ARHGEF2: variants seen among roughly 807,000 people sequenced by gnomAD.
ARHGEF2 encodes Rho/Rac guanine nucleotide exchange factor 2, also known as rho guanine nucleotide exchange factor 2.
A neutral mutation model predicts 121.0 loss-of-function variants in ARHGEF2; 22 were observed. That is an observed-to-expected ratio of 0.18 (90% confidence interval 0.13 to 0.26). The LOEUF is 0.26. Ranked by LOEUF, ARHGEF2 falls within the 10% of genes least tolerant of loss-of-function variation. ARHGEF2 has a pLI of 1.00. For synonymous variants in ARHGEF2, 487 were observed against 530.0 expected (o/e 0.92, Z 1.11); for missense variants, 907 against 1,336.0 (o/e 0.68, Z 5.01).
In ARHGEF2 at chr1:155,965,297, G is replaced by A; in HGVS notation, c.580+6C>T. 1 of 1,613,660 alleles carries A rather than the reference G, an allele frequency of 6.2e-7. No homozygotes were observed. The highest frequency in any genetic ancestry group is 1.3e-5 in the African/African-American group (1 of 75,030). ...TCAGGGCTCCCCTGGGCCCAGGCCT[G>A]CTCACCTTCGTCAATGAGGGATTCC... On this transcript the variant is annotated splice_donor_region_variant and intron_variant, in intron 6 of 21. Coordinates refer to ENST00000361247, the MANE Select transcript of ARHGEF2 (RefSeq NM_001162383.2). The surrounding 1 kb of genome is among the most constrained non-coding windows in gnomAD (Gnocchi z 6.0).
chr1:155,978,450 G>A lies in ARHGEF2; in HGVS notation c.-23C>T. The A allele has an allele frequency of 2.0e-6, 3 of 1,465,268 alleles. No individual in the cohort carries two copies. The highest frequency in any genetic ancestry group is 1.4e-5 in the African/African-American group (1 of 69,942). 90.8% of individuals were successfully genotyped at this position (1,465,268 alleles called of 1,614,324 possible). A position where few individuals can be genotyped will look rare whatever the true frequency, so the allele number is the denominator to read the frequency against. ...CATAATCGGACGGGGGGACCAGGGAGGACGCGGCGCGGACCCCGGCGTCCT... is the reference window on the plus strand; with the variant it reads ...CATAATCGGACGGGGGGACCAGGGAAGACGCGGCGCGGACCCCGGCGTCCT... On this transcript the variant is annotated 5_prime_UTR_variant, in exon 1 of 22. Coordinates refer to ENST00000361247, the MANE Select transcript of ARHGEF2 (RefSeq NM_001162383.2). This position sits in a 1 kb window ranked among gnomAD's most constrained non-coding sequence, Gnocchi z 4.1.
chr1:155,958,220 A>T (rs1446824780), intron 12 of ARHGEF2, 100 bp downstream of exon 12: 1 of 889,298 alleles, frequency 1.1e-6, no homozygotes, highest in Non-Finnish European at 1.8e-6. Context: ...TAGCTGTTTG[A>T]CTCTGGGGGA....
intron 11 of ARHGEF2, among the ~76,000 whole-genome samples, chr1:155,960,574 G>A (rs1303909524): frequency 6.6e-6 from 1 of 152,108 alleles, no homozygotes; most frequent in African/African-American, 2.4e-5. Flanking sequence ...AAATGCTTCA[G>A]AAATAACACT....
chr1:155,962,390 G>A lies in ARHGEF2; in HGVS notation c.1102-168C>T. The A allele has an allele frequency of 6.9e-6, 7 of 1,011,704 alleles. No individual in the cohort carries two copies. The highest frequency in any genetic ancestry group is 1.0e-5 in the Non-Finnish European group (7 of 690,222). The allele number at this position is 1,011,704 out of a possible 1,614,324, so 62.7% of individuals were successfully genotyped here. On this transcript the variant is annotated intron_variant, in intron 9 of 21. Coordinates refer to ENST00000361247, the MANE Select transcript of ARHGEF2 (RefSeq NM_001162383.2). The surrounding 1 kb of genome is among the most constrained non-coding windows in gnomAD (Gnocchi z 5.8). ...CACAGGTTTGTTGTGAGGACCAACT[G>A]AAGGAGCAAAAAGTACTTGGGAAAC...
chr1:155,959,446 C>A (rs1677431457), intron 11 of ARHGEF2, among the ~76,000 whole-genome samples: 1 of 152,090 alleles, frequency 6.6e-6, no homozygotes. Context: ...CGGGGTTTCA[C>A]CACGTTGGCC....
intron 21 of ARHGEF2, among the ~76,000 whole-genome samples, chr1:155,949,945 A>G (rs558961713): frequency 6.6e-6 from 1 of 152,106 alleles, no homozygotes; most frequent in African/African-American, 2.4e-5. Context: ...TTTTTTGTAG[A>G]GAAGGTGGGT....
chr1:155,948,655 A>G (rs373823157), intron 21 of ARHGEF2, among the ~76,000 whole-genome samples: 2 of 152,174 alleles, frequency 1.3e-5, no homozygotes, highest in African/African-American at 4.8e-5. Context: ...AACAAAACAA[A>G]AAACTATACC....
At chr1:155,960,101 T>C (rs1677578320) in intron 11 of ARHGEF2, among the ~76,000 whole-genome samples, 1 of 152,030 alleles carries the variant, frequency 6.6e-6, no homozygotes, top group Non-Finnish European at 1.5e-5. Context: ...TCTCAGATCC[T>C]ATGGGGTCAG....
At chr1:155,971,579 C>CAAAA (rs55942349) in intron 1 of ARHGEF2, among the ~76,000 whole-genome samples, 52 of 92,576 alleles carry the variant, frequency 5.6e-4, no homozygotes, top group African/African-American at 1.6e-3. Context: ...GACTATGTCT[C>CAAAA]AAAAAAAAAA....
rs1572218667 is a variant in ARHGEF2, at chr1:155,978,179, G to C, written c.63+186C>G. On this transcript the variant is annotated intron_variant, in intron 1 of 21. Transcript: ENST00000361247. The surrounding 1 kb of genome is among the most constrained non-coding windows in gnomAD (Gnocchi z 4.1). ...GGATCCCAGCACCGTCGCGTCTGCC[G>C]CTCCCCCCACCCCTACCCACTCGCT... 7.7e-7 allele frequency: 1 copy of C among 1,294,636 alleles called. No homozygotes were observed. Among genetic ancestry groups the C allele is most frequent in the Admixed American group, 3.5e-5 (1 of 28,828 alleles). 80.2% of individuals were successfully genotyped at this position (1,294,636 alleles called of 1,614,324 possible).
At chr1:155,971,819 G>A (rs1294780373) in intron 1 of ARHGEF2, among the ~76,000 whole-genome samples, 1 of 151,630 alleles carries the variant, frequency 6.6e-6, no homozygotes, top group Non-Finnish European at 1.5e-5. Context: ...GGGCTGAGGT[G>A]GGAGGATCGC....
rs575227901 is a variant in ARHGEF2 at position 155,964,109 on chromosome 1, C to G, written c.724+879G>C. On this transcript the variant is annotated intron_variant, in intron 7 of 21. Transcript: ENST00000361247. ...GCAGTGAGCCGAGATAGCGCCAGTG[C>G]ACTCCAGCATGGGCGACAGAGCAAG... is the stretch of plus-strand genomic sequence containing the variant. 3.7e-5 allele frequency among the ~76,000 whole-genome samples: 5 copies of G among 134,972 alleles called. No individual in the cohort carries two copies. In the South Asian group the frequency reaches 1.1e-3, roughly 31 times the overall value. The allele number at this position is 134,972 out of a possible 152,430, so 88.5% of individuals were successfully genotyped here.
upstream of ARHGEF2, chr1:155,979,049 G>C (rs1681866509): frequency 1.0e-6 from 1 of 985,632 alleles, no homozygotes; most frequent in Admixed American, 6.1e-5. Flanking sequence ...ACGATTGGGG[G>C]CAGGGGTGGC....
chr1:155,948,618 A>G (rs957302912), intron 21 of ARHGEF2, among the ~76,000 whole-genome samples: 22 of 151,496 alleles, frequency 1.5e-4, no homozygotes, highest in African/African-American at 5.3e-4. Context: ...GTGACAGAGC[A>G]AAACTGTCTC....
chr1:155,960,503 C>T (rs1039372187), intron 11 of ARHGEF2, among the ~76,000 whole-genome samples: 1 of 151,654 alleles, frequency 6.6e-6, no homozygotes, highest in Non-Finnish European at 1.5e-5. Context: ...AACATACACT[C>T]CTCCTTTGCC....
At chr1:155,948,847 C>T (rs957156714) in intron 21 of ARHGEF2, among the ~76,000 whole-genome samples, 177 of 152,214 alleles carry the variant, frequency 1.2e-3, no homozygotes, top group African/African-American at 4.2e-3. Context: ...GGAGCAATCA[C>T]GGAGTACTGT....
intron 1 of ARHGEF2, chr1:155,970,335 A>C: frequency 7.1e-6 from 7 of 985,512 alleles, no homozygotes; most frequent in Non-Finnish European, 8.4e-6. Context: ...CCTGACCTCC[A>C]ATCTGTCCCT....
rs1675726288 is a variant in ARHGEF2 at position 155,952,625 on chromosome 1, C to T, written c.1984+3G>A. On this transcript the variant is annotated splice_donor_region_variant and intron_variant, in intron 15 of 21. Coordinates refer to ENST00000361247, the MANE Select transcript of ARHGEF2 (RefSeq NM_001162383.2). ...CTGGACTCTTCCCTGGGAGCTCCCTCACCCTCACGGATGGCATCCTGCAGC... is the reference window on the plus strand; with the variant it reads ...CTGGACTCTTCCCTGGGAGCTCCCTTACCCTCACGGATGGCATCCTGCAGC... The T allele has an allele frequency of 1.2e-6, 2 of 1,608,716 alleles. No homozygotes were observed. The highest frequency in any genetic ancestry group is 2.7e-5 in the African/African-American group (2 of 74,894).
Position 155,969,278 on chromosome 1 carries a change from TTCA to T in ARHGEF2, c.83_85del (p.Met28del), listed in dbSNP as rs1435538908. ...GGTATAGCGGGCATCCTTGGCTTCC[TTCA>T]TCTTCTCCTTTTCCCGGGTCTGTGG... On this transcript the variant is annotated inframe_deletion, in exon 2 of 22. Coordinates refer to ENST00000361247, the MANE Select transcript of ARHGEF2 (RefSeq NM_001162383.2). The T allele has an allele frequency of 3.7e-6, 6 of 1,614,150 alleles. No individual in the cohort carries two copies. Among genetic ancestry groups the T allele is most frequent in the African/African-American group, 1.3e-5 (1 of 75,058 alleles).
Sources: allele counts gnomAD v4.1 joint callset (sites outside exome capture counted in the v4.1 genomes callset), GRCh38; gene constraint gnomAD v4.1.1; non-coding constraint Gnocchi (gnomAD v3.1); transcripts MANE v1.5; gene names NCBI Gene and HGNC (gene_info 2026-07-23, HGNC 2026-07-21).